The following PIAS4 variants were observed in gnomAD, a reference collection of about 807,000 sequenced individuals.
The protein encoded by PIAS4 is E3 SUMO-protein ligase PIAS4.
Under a neutral mutation model 58.0 loss-of-function variants are expected in PIAS4, and 7 were observed. The ratio of observed to expected loss-of-function variants is 0.12; its 90% CI spans 0.07 to 0.23. The LOEUF is 0.23. Among genes scored for constraint, PIAS4 ranks in the 10% least tolerant of loss-of-function variants. The pLI is 1.00. For missense variants in PIAS4, 550 were observed against 709.5 expected, an observed-to-expected ratio of 0.78 and a Z score of 2.55; for synonymous variants, 364 against 312.4, an observed-to-expected ratio of 1.17 and a Z score of -1.74.
intron 2 of PIAS4, among the ~76,000 whole-genome samples, chr19:4,021,739 T>TGTC (rs2040111850): frequency 6.7e-6 from 1 of 148,570 alleles, no homozygotes; most frequent in African/African-American, 2.5e-5. Flanking sequence ...GCATTTTCTT[T>TGTC]TTCTTTTTTT....
intron 3 of PIAS4, among the ~76,000 whole-genome samples, chr19:4,027,561 GGTTTTT>G (rs1338274391): frequency 7.0e-6 from 1 of 143,612 alleles, no homozygotes; most frequent in Non-Finnish European, 1.6e-5. Flanking sequence ...AGGTGTTACT[GGTTTTT>G]GTTTTTTTTT....
In PIAS4 at chr19:4,028,946, C is replaced by T; in HGVS notation, c.817C>T (p.Leu273=). 1 of 1,612,112 alleles carries T rather than the reference C, an allele frequency of 6.2e-7. No individual in the cohort carries two copies. Among genetic ancestry groups the T allele is most frequent in the Admixed American group, 1.7e-5 (1 of 59,846 alleles). The change falls in exon 7 of 11, where the codon CTG becomes TTG. Residue 273 remains leucine (L), a synonymous_variant. Transcript: ENST00000262971. ...GNYGKSYSVA[L]YLVRQLTSSE... ...CTGTCCCCAGAGCTACTCGGTGGCC[C>T]TGTACCTGGTGCGGCAGCTGACCTC...
intron 2 of PIAS4, among the ~76,000 whole-genome samples, chr19:4,020,455 C>G (rs1385307507): frequency 6.6e-6 from 1 of 152,074 alleles, no homozygotes; most frequent in Non-Finnish European, 1.5e-5. Flanking sequence ...GTTGTCTCGT[C>G]TCCCGGCCAC....
chr19:4,018,698 G>A (rs1262968588), intron 2 of PIAS4: 1 of 152,284 alleles, frequency 6.6e-6, no homozygotes, highest in Non-Finnish European at 1.5e-5. Flanking sequence ...GAGCAGCAGA[G>A]TGATGTAGGG....
At chr19:4,032,213 G>T (rs1276816220) in intron 7 of PIAS4, among the ~76,000 whole-genome samples, 2 of 152,160 alleles carry the variant, frequency 1.3e-5, no homozygotes, top group Non-Finnish European at 2.9e-5. Context: ...GGGGAGTGGG[G>T]GGGCAGGCTG....
intron 2 of PIAS4, among the ~76,000 whole-genome samples, chr19:4,022,097 A>G (rs188103730): frequency 1.3e-5 from 2 of 152,266 alleles, no homozygotes; most frequent in East Asian, 3.9e-4. Context: ...CAACTTCCTT[A>G]ACAGGTAAAG....
chr19:4,032,281 A>G (rs1467532046), intron 7 of PIAS4, among the ~76,000 whole-genome samples: 1 of 152,124 alleles, frequency 6.6e-6, no homozygotes, highest in Non-Finnish European at 1.5e-5. Context: ...AGGAAGCAAC[A>G]CTGGTCCACC....
At chr19:4,017,289 C>T (rs1232521059) in intron 2 of PIAS4, among the ~76,000 whole-genome samples, 1 of 152,186 alleles carries the variant, frequency 6.6e-6, no homozygotes, top group African/African-American at 2.4e-5. Context: ...CTTCTCCCAT[C>T]CCCTGTGGCC....
chr19:4,031,376 G>A (rs1568219512), intron 7 of PIAS4, among the ~76,000 whole-genome samples: 2 of 152,326 alleles, frequency 1.3e-5, no homozygotes, highest in South Asian at 2.1e-4. Context: ...CACGGAGTCC[G>A]GCATCCTTGG....
chr19:4,024,767 T>C (rs1286335903), intron 3 of PIAS4, among the ~76,000 whole-genome samples: 2 of 152,104 alleles, frequency 1.3e-5, no homozygotes, highest in Non-Finnish European at 2.9e-5. Context: ...TTTTTGTTTT[T>C]TTTTTTTGAG....
intron 3 of PIAS4, among the ~76,000 whole-genome samples, chr19:4,026,987 A>G (rs1230332419): frequency 1.3e-5 from 2 of 149,422 alleles, no homozygotes; most frequent in East Asian, 2.0e-4. Context: ...AGCTGGGACT[A>G]CAGGCACCCG....
chr19:4,027,831 T>G (rs1442892811), intron 3 of PIAS4, among the ~76,000 whole-genome samples: 2 of 152,138 alleles, frequency 1.3e-5, no homozygotes, highest in African/African-American at 4.8e-5. Context: ...TTTCTTGCCA[T>G]TGTGAGCCAG....
At chr19:4,010,991 GA>G (rs1487822092) in intron 1 of PIAS4, among the ~76,000 whole-genome samples, 1 of 152,236 alleles carries the variant, frequency 6.6e-6, no homozygotes, top group Non-Finnish European at 1.5e-5. Flanking sequence ...AGAGCTGACA[GA>G]TGAGGACCCG....
rs374867381 is a variant in PIAS4, at chr19:4,031,242, A to G, written c.908-1858A>G. On this transcript the variant is annotated intron_variant, in intron 7 of 10. Transcript: ENST00000262971. Reference sequence around the variant, plus strand: ...TCCAGAAGCCTGGAGCAGTGCTGGCACTGCCAGGGGCCTGCGAGCCCCATC... The same window carrying G: ...TCCAGAAGCCTGGAGCAGTGCTGGCGCTGCCAGGGGCCTGCGAGCCCCATC... Among the ~76,000 whole-genome samples the G allele has an allele frequency of 6.6e-5, 10 of 152,174 alleles. No individual in the cohort carries two copies. The East Asian group carries it at 1.9e-3, about 29-fold the overall frequency.
chr19:4,021,154 C>T (rs1008221027), intron 2 of PIAS4, among the ~76,000 whole-genome samples: 3 of 151,678 alleles, frequency 2.0e-5, no homozygotes, highest in African/African-American at 7.3e-5. Flanking sequence ...TTTTATTTTA[C>T]CTCATTTTAT....
chr19:4,028,869 C>T (rs751811321), intron 6 of PIAS4, 21 bp downstream of exon 6: 2 of 1,613,054 alleles, frequency 1.2e-6, no homozygotes, highest in African/African-American at 1.3e-5. Context: ...GCCCGGGTGC[C>T]CACCCTGCCC....
intron 6 of PIAS4, 25 bp downstream of exon 6, chr19:4,028,873 C>G: frequency 1.2e-6 from 2 of 1,613,034 alleles, no homozygotes; most frequent in Non-Finnish European, 1.7e-6. Flanking sequence ...GGGTGCCCAC[C>G]CTGCCCCCCA....
Position 4,037,776 on chromosome 19 carries a change from T to A in PIAS4, c.1434T>A (p.Asp478Glu), listed in dbSNP as rs2040316488. 6.2e-7 allele frequency: 1 copy of A among 1,602,900 alleles called. No individual in the cohort carries two copies. Among genetic ancestry groups the A allele is most frequent in the East Asian group, 2.2e-5 (1 of 44,526 alleles). The change falls in exon 11 of 11, where the codon GAT becomes GAA. Residue 478 changes from aspartate (D) to glutamate (E), a missense_variant. Around this residue, in one of 4 missense-constraint regions of PIAS4, gnomAD observed 188 missense variants for 192.0 expected, o/e 0.98. Transcript: ENST00000262971. This position sits in a 1 kb window ranked among gnomAD's most constrained non-coding sequence, Gnocchi z 5.8. ...TGGACAGCTCATCGTCCTCGGAGGA[T>A]GAGGAGGAGGAGGAAGAGGAGGAGG... ...LTLDSSSSSE[D>E]EEEEEEEEED...
intron 1 of PIAS4, among the ~76,000 whole-genome samples, chr19:4,011,538 C>T (rs1181018740): frequency 2.0e-5 from 3 of 152,262 alleles, no homozygotes; most frequent in Non-Finnish European, 4.4e-5. Context: ...CCTGCCAAGC[C>T]TCATTTGTCG....
Sources: allele counts gnomAD v4.1 joint callset (sites outside exome capture counted in the v4.1 genomes callset), GRCh38; gene constraint gnomAD v4.1.1; regional missense constraint gnomAD v4.1.1; non-coding constraint Gnocchi (gnomAD v3.1); transcripts MANE v1.5; gene names NCBI Gene and HGNC (gene_info 2026-07-23, HGNC 2026-07-21).